Variants in MINDY3 observed in about 807,000 individuals in gnomAD.
MINDY3 encodes the protein MINDY lysine 48 deubiquitinase 3, also known as ubiquitin carboxyl-terminal hydrolase MINDY-3.
Under a neutral mutation model 69.2 loss-of-function variants are expected in MINDY3, and 38 were observed. The observed-to-expected ratio is 0.55, with a 90% CI of 0.42 to 0.72. MINDY3 has a LOEUF of 0.72. Ranked by LOEUF, MINDY3 falls within the 30% of genes least tolerant of loss-of-function variation. The pLI is 0.00. For missense variants in MINDY3, 522 were observed against 519.0 expected, an observed-to-expected ratio of 1.01 and a Z score of -0.06; for synonymous variants, 192 against 180.1, an observed-to-expected ratio of 1.07 and a Z score of -0.53.
In MINDY3 at chr10:15,855,015, G is replaced by C. The variant is rs539911365; in HGVS notation, c.94+5191C>G. Among the ~76,000 whole-genome samples the C allele has an allele frequency of 3.3e-5, 5 of 152,182 alleles. No individual in the cohort carries two copies. The East Asian group carries it at 9.7e-4, about 29-fold the overall frequency. On this transcript the variant is annotated intron_variant, in intron 1 of 14. Transcript: ENST00000277632. ...AAAATTAAGATCTGCTAAACTTTTC[G>C]TGTATGAAATTAAAGTGTGAATTAG...
chr10:15,843,491 C>A (rs753381152), intron 2 of MINDY3, among the ~76,000 whole-genome samples: 1 of 151,934 alleles, frequency 6.6e-6, no homozygotes, highest in African/African-American at 2.4e-5. Flanking sequence ...TCATAAAATT[C>A]TTCTTCTTCC....
At chr10:15,837,422 A>G (rs1254697410) in intron 5 of MINDY3, 104 bp from the exon 6 acceptor site, 4 of 1,244,698 alleles carry the variant, frequency 3.2e-6, no homozygotes, top group Non-Finnish European at 4.5e-6. Flanking sequence ...ATATACATAC[A>G]AACAGGAAAG....
intron 8 of MINDY3, among the ~76,000 whole-genome samples, chr10:15,829,772 G>C (rs1840332552): frequency 6.6e-6 from 1 of 152,056 alleles, no homozygotes; most frequent in South Asian, 2.1e-4. Context: ...ACTTGGCAAA[G>C]GAAGAAAAAA....
chr10:15,845,986 C>T (rs1047002376), intron 2 of MINDY3, among the ~76,000 whole-genome samples: 1 of 151,698 alleles, frequency 6.6e-6, no homozygotes, highest in Non-Finnish European at 1.5e-5. Context: ...CTACACCCAG[C>T]TAATTTTTGT....
Position 15,844,944 on chromosome 10 carries a change from G to A in MINDY3, c.175-1672C>T, listed in dbSNP as rs1253928642. Among the ~76,000 whole-genome samples, 3 of 152,202 alleles carry A rather than the reference G, an allele frequency of 2.0e-5. No homozygotes were observed. The East Asian group carries it at 5.8e-4, about 29-fold the overall frequency. ...TGTAAAGCATCATTCCACCTGTTAT[G>A]ACTGCACATCTATGCCCATTTCACC... On this transcript the variant is annotated intron_variant, in intron 2 of 14. Coordinates refer to ENST00000277632, the MANE Select transcript of MINDY3 (RefSeq NM_024948.4).
At position 15,860,352 on chromosome 10, in the gene MINDY3, T is replaced by C. The variant is rs1835012584; in HGVS notation, c.-53A>G. The C allele has an allele frequency of 7.4e-7, 1 of 1,347,014 alleles. No individual in the cohort carries two copies. Among genetic ancestry groups the C allele is most frequent in the Non-Finnish European group, 1.0e-6 (1 of 958,618 alleles). The allele number at this position is 1,347,014 out of a possible 1,614,324, so 83.4% of individuals were successfully genotyped here. A position where few individuals can be genotyped will look rare whatever the true frequency, so the allele number is the denominator to read the frequency against. On this transcript the variant is annotated 5_prime_UTR_variant, in exon 1 of 15. An upstream start codon of the reference 5' UTR is lost. Transcript: ENST00000277632. ...CTTTGCGGACTCCTGCCCCGGAACA[T>C]GGGGAAGGGGCAACTCCGGAAACAG...
intron 6 of MINDY3, among the ~76,000 whole-genome samples, chr10:15,836,879 G>C (rs1833120541): frequency 6.6e-6 from 1 of 151,704 alleles, no homozygotes; most frequent in African/African-American, 2.4e-5. Context: ...TCAAGAAATG[G>C]AATCAAGGTC....
intron 8 of MINDY3, among the ~76,000 whole-genome samples, chr10:15,831,485 C>T (rs1488388421): frequency 6.6e-6 from 1 of 151,950 alleles, no homozygotes; most frequent in Non-Finnish European, 1.5e-5. Flanking sequence ...AAAGTTATTG[C>T]TTAGTTTTGG....
intron 13 of MINDY3, among the ~76,000 whole-genome samples, chr10:15,785,728 T>A (rs867991624): frequency 6.6e-6 from 1 of 152,206 alleles, no homozygotes; most frequent in African/African-American, 2.4e-5. Flanking sequence ...AATTTTATCT[T>A]GAGTTTAACA....
Position 15,808,104 on chromosome 10 carries a change from G to A in MINDY3, c.882+8731C>T, listed in dbSNP as rs149109455. ...TCAAATCACTGAGAATAATTAAGCT[G>A]TCCAGATGTCTACCCAGACTTTCCA... On this transcript the variant is annotated intron_variant, in intron 10 of 14. Transcript: ENST00000277632. 1.1e-4 allele frequency among the ~76,000 whole-genome samples: 16 copies of A among 152,238 alleles called. No individual in the cohort carries two copies. In the East Asian group the frequency reaches 3.1e-3, roughly 29 times the overall value.
intron 1 of MINDY3, among the ~76,000 whole-genome samples, chr10:15,859,600 G>C (rs1010811370): frequency 6.6e-6 from 1 of 152,054 alleles, no homozygotes; most frequent in African/African-American, 2.4e-5. Flanking sequence ...GAAGTACTAT[G>C]ATCCATATTC....
chr10:15,820,228 G>T (rs556069622), intron 9 of MINDY3, among the ~76,000 whole-genome samples: 8 of 152,284 alleles, frequency 5.3e-5, no homozygotes, highest in African/African-American at 1.9e-4. Context: ...TCCATCTCAA[G>T]AGCTGGACAA....
chr10:15,833,614 C>T lies in MINDY3; in HGVS notation c.730+16G>A. ...TTATTCATCAAAGAGAGCAACATAA[C>T]AAGGAATATACTTACTCATTCCTGA... is the stretch of plus-strand genomic sequence containing the variant. On this transcript the variant is annotated intron_variant, in intron 8 of 14. Transcript: ENST00000277632. 1 of 1,477,484 alleles carries T rather than the reference C, an allele frequency of 6.8e-7. No individual in the cohort carries two copies. Among genetic ancestry groups the T allele is most frequent in the Non-Finnish European group, 9.4e-7 (1 of 1,058,722 alleles). 91.5% of individuals were successfully genotyped at this position (1,477,484 alleles called of 1,614,324 possible). A position where few individuals can be genotyped will look rare whatever the true frequency, so the allele number is the denominator to read the frequency against.
chr10:15,839,705 C>T (rs556404793), intron 4 of MINDY3, among the ~76,000 whole-genome samples: 20 of 151,380 alleles, frequency 1.3e-4, no homozygotes, highest in African/African-American at 2.9e-4. Flanking sequence ...GATTGTTACA[C>T]GGAATAAAAA....
At chr10:15,795,033 T>C (rs1158120933) in intron 11 of MINDY3, among the ~76,000 whole-genome samples, 1 of 151,316 alleles carries the variant, frequency 6.6e-6, no homozygotes, top group East Asian at 1.9e-4. Context: ...AAATCTTCAC[T>C]AGTAAAACAA....
intron 10 of MINDY3, among the ~76,000 whole-genome samples, chr10:15,810,932 A>G (rs1360639748): frequency 6.6e-6 from 1 of 152,186 alleles, no homozygotes; most frequent in African/African-American, 2.4e-5. Context: ...GTGGACAACA[A>G]TCACATAAAA....
At chr10:15,829,658 A>G (rs1307111351) in intron 8 of MINDY3, among the ~76,000 whole-genome samples, 1 of 152,200 alleles carries the variant, frequency 6.6e-6, no homozygotes, top group East Asian at 1.9e-4. Context: ...CGTGTAAAAT[A>G]AAATCATTAA....
intron 11 of MINDY3, among the ~76,000 whole-genome samples, 166 bp from the exon 12 acceptor site, chr10:15,789,485 C>G (rs1837250099): frequency 6.6e-6 from 1 of 151,908 alleles, no homozygotes; most frequent in Non-Finnish European, 1.5e-5. Flanking sequence ...TATTAGAGAC[C>G]CTCTTCTATT....
At chr10:15,838,157 A>C (rs1283921890) in intron 5 of MINDY3, 71 bp downstream of exon 5, 10 of 1,453,266 alleles carry the variant, frequency 6.9e-6, no homozygotes, top group Non-Finnish European at 8.2e-6. Flanking sequence ...GAACCTTTCC[A>C]CAGTATGAAC....
Sources: allele counts gnomAD v4.1 joint callset (sites outside exome capture counted in the v4.1 genomes callset), GRCh38; gene constraint gnomAD v4.1.1; transcripts MANE v1.5; gene names NCBI Gene and HGNC (gene_info 2026-07-23, HGNC 2026-07-21).